PCDHA1: variants seen among roughly 807,000 people sequenced by gnomAD.
The protein encoded by PCDHA1 is protocadherin alpha 1.
A neutral mutation model predicts 61.3 loss-of-function variants in PCDHA1; 42 were observed. The observed-to-expected ratio is 0.69, with a 90% CI of 0.54 to 0.89. PCDHA1 has a LOEUF of 0.89. PCDHA1 is among the 40% of genes least tolerant of loss of function. The pLI is 0.00. For synonymous variants in PCDHA1, 610 were observed against 553.8 expected (o/e 1.10, Z -1.43); for missense variants, 1,256 against 1,235.3 (o/e 1.02, Z -0.25).
chr5:140,847,915 T>C (rs1166954389), intron 1 of PCDHA1: 1 of 150,482 alleles, frequency 6.6e-6, no homozygotes, highest in Non-Finnish European at 1.5e-5. Flanking sequence ...TGGGCTCCTA[T>C]ATTCACTAGA....
At chr5:140,836,206 C>T (rs1554135734) in intron 1 of PCDHA1, 3 of 1,613,832 alleles carry the variant, frequency 1.9e-6, no homozygotes, top group South Asian at 2.2e-5. Context: ...GCGTGGCTTT[C>T]GTATGAGTTG....
At chr5:140,791,642 T>G (rs1761668683) in intron 1 of PCDHA1, among the ~76,000 whole-genome samples, 1 of 152,204 alleles carries the variant, frequency 6.6e-6, no homozygotes, top group Admixed American at 6.5e-5. Flanking sequence ...CACTTTTTAC[T>G]AAGACATCTG....
intron 1 of PCDHA1, among the ~76,000 whole-genome samples, chr5:140,872,551 C>T (rs574173970): frequency 6.6e-6 from 1 of 152,178 alleles, no homozygotes; most frequent in East Asian, 1.9e-4. Flanking sequence ...CCCCTGAACC[C>T]AGGGGTTCAG....
intron 1 of PCDHA1, chr5:140,864,420 G>A (rs1430010861): frequency 5.3e-5 from 8 of 152,158 alleles, no homozygotes; most frequent in African/African-American, 1.4e-4. Flanking sequence ...AGGCAGCTTC[G>A]TCCACAAACA....
At chr5:140,926,754 C>G in intron 1 of PCDHA1, 1 of 1,283,492 alleles carries the variant, frequency 7.8e-7, no homozygotes, top group South Asian at 2.2e-5. Flanking sequence ...TCGGCGGTCG[C>G]TGAGTATCCA....
chr5:140,835,733 C>T (rs2150243332), intron 1 of PCDHA1: 2 of 1,613,810 alleles, frequency 1.2e-6, no homozygotes. Context: ...ACGTGAACGA[C>T]AACGCCCCGG....
At chr5:140,862,678 C>T (rs1490436756) in intron 1 of PCDHA1, 1 of 550,784 alleles carries the variant, frequency 1.8e-6, no homozygotes, top group Non-Finnish European at 3.6e-6. Context: ...GGAGAACGTG[C>T]TGGTGTCCTA....
chr5:140,815,026 A>T (rs1765636831), intron 1 of PCDHA1: 2 of 152,244 alleles, frequency 1.3e-5, no homozygotes, highest in Admixed American at 6.5e-5. Flanking sequence ...TTTTGGTTAC[A>T]ATTTGCATGA....
chr5:140,974,672 T>G lies in PCDHA1; in HGVS notation c.2395-4277T>G, dbSNP rs186958750. On this transcript the variant is annotated intron_variant, in intron 1 of 3. Coordinates refer to ENST00000504120, the MANE Select transcript of PCDHA1 (RefSeq NM_018900.4). ...GATTACAGGCATGCGCCACCATGCC[T>G]GGCTAATTTTGTATTTTTGGGTTTC... 4.6e-3 allele frequency among the ~76,000 whole-genome samples: 694 copies of G among 152,134 alleles called. 4 individuals are homozygous for G. Among genetic ancestry groups the G allele is most frequent in the African/African-American group, 0.016 (672 of 41,518 alleles).
rs2150441857 is a variant in PCDHA1 at position 140,849,593 on chromosome 5, G to T, written c.2394+60909G>T. ...CTGTAAAAGAGGACGCACAACTGGGGACAGTTATTGCCCTGATTAGTGTGA... is the reference window on the plus strand; with the variant it reads ...CTGTAAAAGAGGACGCACAACTGGGTACAGTTATTGCCCTGATTAGTGTGA... On this transcript the variant is annotated intron_variant, in intron 1 of 3. Transcript: ENST00000504120. The T allele has an allele frequency of 3.0e-5, 48 of 1,598,606 alleles. 4 individuals carry two copies. Among genetic ancestry groups the T allele is most frequent in the African/African-American group, 1.1e-4 (8 of 74,332 alleles).
chr5:140,808,769 C>A, intron 1 of PCDHA1: 2 of 1,612,380 alleles, frequency 1.2e-6, no homozygotes, highest in Non-Finnish European at 1.7e-6. Context: ...CCACGAGGAG[C>A]TAGAGCTGCT....
chr5:140,992,400 T>C (rs1019164556), intron 3 of PCDHA1, among the ~76,000 whole-genome samples: 1 of 152,124 alleles, frequency 6.6e-6, no homozygotes, highest in Admixed American at 6.5e-5. Context: ...CTTAGAGATA[T>C]TGTTCTGCCC....
At chr5:140,824,639 T>TTTTTTTTTTTTTTTTTTTGTTTG (rs1554130016) in intron 1 of PCDHA1, 1 of 136,788 alleles carries the variant, frequency 7.3e-6, no homozygotes. Flanking sequence ...TTTTATTTTC[T>TTTTTTTTTTTTTTTTTTTGTTTG]GTAGAGATAG....
At chr5:140,823,054 C>A (rs2150121717) in intron 1 of PCDHA1, 2 of 1,614,154 alleles carry the variant, frequency 1.2e-6, no homozygotes, top group East Asian at 2.2e-5. Context: ...GGTGACCGCG[C>A]GGGACGGGGG....
intron 3 of PCDHA1, among the ~76,000 whole-genome samples, chr5:140,992,707 C>T (rs1554253127): frequency 1.3e-5 from 2 of 152,056 alleles, no homozygotes; most frequent in Admixed American, 1.3e-4. Flanking sequence ...AATGTTCCTG[C>T]CAGTATTCGT....
intron 1 of PCDHA1, among the ~76,000 whole-genome samples, chr5:140,901,760 G>C (rs909858668): frequency 6.6e-6 from 1 of 152,102 alleles, no homozygotes; most frequent in Admixed American, 6.5e-5. Context: ...TTTTGACAGG[G>C]ATTGCATTGA....
rs782413551 is a variant in PCDHA1, at chr5:141,009,873, A to G, written c.2789A>G (p.Lys930Arg). Residue 930 changes from lysine to arginine, a missense_variant, in exon 4 of 4, where the codon AAG becomes AGG. By Grantham distance (26) the Lys-to-Arg change is conservative. Coordinates refer to ENST00000504120, the MANE Select transcript of PCDHA1 (RefSeq NM_018900.4). ...EETKKKKKKK[K>R]GNKTQEKKEK... The stretch of plus-strand genomic sequence containing the variant: ...ACCAAGAAAAAGAAGAAAAAGAAGA[A>G]GGGTAACAAGACCCAGGAGAAAAAA... 6.2e-7 allele frequency: 1 copy of G among 1,614,034 alleles called. No individual in the cohort carries two copies. The highest frequency in any genetic ancestry group is 8.5e-7 in the Non-Finnish European group (1 of 1,180,008).
At chr5:140,924,872 G>C (rs1161649938) in intron 1 of PCDHA1, among the ~76,000 whole-genome samples, 1 of 149,350 alleles carries the variant, frequency 6.7e-6, no homozygotes, top group Non-Finnish European at 1.5e-5. Context: ...TCCAGCCTGG[G>C]TGACAGAGCA....
intron 1 of PCDHA1, among the ~76,000 whole-genome samples, chr5:140,952,946 G>A (rs2094822679): frequency 6.6e-6 from 1 of 152,070 alleles, no homozygotes; most frequent in African/African-American, 2.4e-5. Flanking sequence ...AAGAGAGAGA[G>A]AAGGGGGAAG....
Sources: allele counts gnomAD v4.1 joint callset (sites outside exome capture counted in the v4.1 genomes callset), GRCh38; gene constraint gnomAD v4.1.1; transcripts MANE v1.5; gene names NCBI Gene and HGNC (gene_info 2026-07-23, HGNC 2026-07-21).